Variants in CNNM2 observed in about 807,000 individuals in gnomAD.
The protein encoded by CNNM2 is metal transporter CNNM2.
A neutral mutation model predicts 66.9 loss-of-function variants in CNNM2; 12 were observed. The observed-to-expected ratio is 0.18, with a 90% CI of 0.11 to 0.29. The LOEUF (loss-of-function observed/expected upper bound fraction) is 0.29, where lower values mean the gene tolerates loss of function less well. Among genes scored for constraint, CNNM2 ranks in the 10% least tolerant of loss-of-function variants. The pLI, the probability that CNNM2 is intolerant of heterozygous loss-of-function variation, is 1.00. For missense variants in CNNM2, 705 were observed against 1,167.7 expected (o/e 0.60, Z 5.77); for synonymous variants, 557 against 501.8 (o/e 1.11, Z -1.47).
intron 1 of CNNM2, among the ~76,000 whole-genome samples, chr10:103,015,974 C>G (rs1454908364): frequency 2.0e-5 from 3 of 152,084 alleles, no homozygotes; most frequent in African/African-American, 7.2e-5. Flanking sequence ...TCTACTTGCC[C>G]CCTTACAGCT....
chr10:103,017,857 G>A (rs548720545), intron 1 of CNNM2, among the ~76,000 whole-genome samples: 45 of 151,762 alleles, frequency 3.0e-4, no homozygotes, highest in Non-Finnish European at 5.3e-4. Flanking sequence ...CCAGCTACTC[G>A]GGAGGCTGAG....
intron 1 of CNNM2, among the ~76,000 whole-genome samples, chr10:102,973,826 C>A (rs530917788): frequency 3.4e-5 from 5 of 149,250 alleles, no homozygotes; most frequent in Admixed American, 2.0e-4. Flanking sequence ...TCCCCCCCCC[C>A]CTTTTTTAAA....
intron 5 of CNNM2, 109 bp from the exon 6 acceptor site, chr10:103,071,665 A>G: frequency 2.3e-6 from 2 of 861,122 alleles, no homozygotes; most frequent in Non-Finnish European, 4.0e-6. Flanking sequence ...CTGCAACTGA[A>G]TGCTCATATT....
chr10:103,072,042 G>A (rs751096804), intron 6 of CNNM2, among the ~76,000 whole-genome samples: 4 of 152,192 alleles, frequency 2.6e-5, no homozygotes, highest in Non-Finnish European at 4.4e-5. Flanking sequence ...CCAGAACAGC[G>A]CAAAGTCACC....
chr10:103,011,653 T>TGTGTGTGTGTGA (rs2064344928), intron 1 of CNNM2, among the ~76,000 whole-genome samples: 1 of 145,950 alleles, frequency 6.9e-6, no homozygotes, highest in African/African-American at 2.6e-5. Context: ...GCACTGTGTG[T>TGTGTGTGTGTGA]GTGTGTGTGT....
intron 1 of CNNM2, among the ~76,000 whole-genome samples, chr10:102,984,285 G>C (rs1227299065): frequency 6.6e-6 from 1 of 152,162 alleles, no homozygotes; most frequent in Non-Finnish European, 1.5e-5. Context: ...TTACTAGGGA[G>C]GAGGATTCAG....
intron 1 of CNNM2, among the ~76,000 whole-genome samples, chr10:102,938,073 A>G (rs1846304630): frequency 6.6e-6 from 1 of 151,624 alleles, no homozygotes; most frequent in Admixed American, 6.6e-5. Flanking sequence ...CCCAGTTGGG[A>G]GGATGGCTTG....
At chr10:102,992,291 T>TTTTTTTTTTTA (rs2063912852) in intron 1 of CNNM2, among the ~76,000 whole-genome samples, 2 of 149,192 alleles carry the variant, frequency 1.3e-5, no homozygotes, top group African/African-American at 2.5e-5. Flanking sequence ...TTTTTTTTTT[T>TTTTTTTTTTTA]GAGATGCAGT....
At chr10:103,030,231 G>T (rs937342687) in intron 1 of CNNM2, among the ~76,000 whole-genome samples, 1 of 152,144 alleles carries the variant, frequency 6.6e-6, no homozygotes, top group Non-Finnish European at 1.5e-5. Context: ...GAACTTAAAC[G>T]TTCCTAAATG....
At chr10:102,961,062 GATACGGGGTTTC>G (rs1382182557) in intron 1 of CNNM2, among the ~76,000 whole-genome samples, 3 of 151,960 alleles carry the variant, frequency 2.0e-5, no homozygotes, top group African/African-American at 7.3e-5. Context: ...ATCTTCAGTA[GATACGGGGTTTC>G]ACCGTGTTGG....
chr10:102,926,112 A>G (rs1845850957), intron 1 of CNNM2, among the ~76,000 whole-genome samples: 1 of 152,154 alleles, frequency 6.6e-6, no homozygotes, highest in African/African-American at 2.4e-5. Context: ...GATCTGTAAA[A>G]TTTCCATGGA....
intron 1 of CNNM2, among the ~76,000 whole-genome samples, chr10:102,970,528 C>T (rs555555877): frequency 7.2e-5 from 11 of 152,300 alleles, no homozygotes; most frequent in African/African-American, 2.6e-4. Context: ...AGTTTGCCCA[C>T]CCTGGCTCTC....
chr10:103,005,079 A>AT (rs1438810920), intron 1 of CNNM2, among the ~76,000 whole-genome samples: 2 of 151,596 alleles, frequency 1.3e-5, no homozygotes, highest in Admixed American at 6.6e-5. Flanking sequence ...CACCCAGCTA[A>AT]TTTTTTTGTA....
intron 1 of CNNM2, among the ~76,000 whole-genome samples, chr10:103,007,501 G>A (rs1055593030): frequency 3.9e-5 from 6 of 152,110 alleles, no homozygotes; most frequent in African/African-American, 1.4e-4. Flanking sequence ...CACTCCCAGA[G>A]CGGCCATTTA....
intron 1 of CNNM2, among the ~76,000 whole-genome samples, chr10:103,024,795 G>T (rs1421418967): frequency 6.6e-6 from 1 of 151,968 alleles, no homozygotes; most frequent in East Asian, 1.9e-4. Flanking sequence ...GCTTTTTAAA[G>T]AAACCAAGCT....
rs151023956 is a variant in CNNM2, at chr10:103,003,167, C to T, written c.1622-46540C>T. 0.035 allele frequency among the ~76,000 whole-genome samples: 5,186 copies of T among 148,818 alleles called. 128 individuals are homozygous for T. Among genetic ancestry groups the T allele is most frequent in the Non-Finnish European group, 0.052 (3,505 of 67,658 alleles). On this transcript the variant is annotated intron_variant, in intron 1 of 7. Coordinates refer to ENST00000369878, the MANE Select transcript of CNNM2 (RefSeq NM_017649.5). ...TCACTCTGTTGCCCAGGCTGGAGTGCAGTGGCATGGTCTCAGCTCACTGCA... is the reference window on the plus strand; with the variant it reads ...TCACTCTGTTGCCCAGGCTGGAGTGTAGTGGCATGGTCTCAGCTCACTGCA...
At chr10:102,987,660 G>T (rs1323007184) in intron 1 of CNNM2, among the ~76,000 whole-genome samples, 6 of 151,824 alleles carry the variant, frequency 4.0e-5, no homozygotes, top group Non-Finnish European at 8.8e-5. Context: ...TATATATTTT[G>T]TAATATATAT....
chr10:102,937,789 T>G (rs1846292371), intron 1 of CNNM2, among the ~76,000 whole-genome samples: 1 of 151,760 alleles, frequency 6.6e-6, no homozygotes. Flanking sequence ...CAGAAACCTT[T>G]TTTTTTTCTT....
At position 102,920,048 on chromosome 10, in the gene CNNM2, A is replaced by C; in HGVS notation, c.1568A>C (p.His523Pro). Residue 523 changes from histidine to proline, a missense_variant, in exon 1 of 8, where the codon CAC (histidine) becomes CCC (proline). Physicochemically the swap from His to Pro is moderately conservative, Grantham distance 77 (BLOSUM62 -2). This residue lies in a region of CNNM2 where 171 missense variants were observed against 304.8 expected (regional missense o/e 0.56). Transcript: ENST00000369878. ...TITKFYNHPL[H>P]FVFNDTKLDA... ...ACCAAATTTTATAACCACCCCTTGC[A>C]CTTTGTTTTCAATGACACCAAGTTG... 1 of 1,614,150 alleles carries C rather than the reference A, an allele frequency of 6.2e-7. No homozygotes were observed. The highest frequency in any genetic ancestry group is 8.5e-7 in the Non-Finnish European group (1 of 1,180,036).
Sources: allele counts gnomAD v4.1 joint callset (sites outside exome capture counted in the v4.1 genomes callset), GRCh38; gene constraint gnomAD v4.1.1; regional missense constraint gnomAD v4.1.1; transcripts MANE v1.5; gene names NCBI Gene and HGNC (gene_info 2026-07-23, HGNC 2026-07-21).